The following EPC1 variants were observed in gnomAD, a reference collection of about 807,000 sequenced individuals.
EPC1 encodes the protein enhancer of polycomb 1, also known as enhancer of polycomb homolog 1.
Under a neutral mutation model 98.4 loss-of-function variants are expected in EPC1, and 12 were observed. The ratio of observed to expected loss-of-function variants is 0.12; its 90% CI spans 0.08 to 0.20. The LOEUF is 0.20. EPC1 is among the 10% of genes least tolerant of loss of function. The pLI is 1.00. For missense variants in EPC1, 729 were observed against 990.5 expected (o/e 0.74, Z 3.54); for synonymous variants, 357 against 363.9 (o/e 0.98, Z 0.21).
intron 1 of EPC1, among the ~76,000 whole-genome samples, chr10:32,356,999 A>G (rs1839299447): frequency 6.6e-6 from 1 of 152,136 alleles, no homozygotes; most frequent in African/African-American, 2.4e-5. Flanking sequence ...AAAAATAAAA[A>G]AATTTACCAA....
chr10:32,305,723 T>C (rs1456331644), intron 2 of EPC1, 49 bp downstream of exon 2: 7 of 1,461,850 alleles, frequency 4.8e-6, no homozygotes, highest in African/African-American at 2.9e-5. Flanking sequence ...TCAAGTTACA[T>C]AATAAGAGAA....
chr10:32,372,110 CA>C (rs1016520572), intron 1 of EPC1, among the ~76,000 whole-genome samples: 85 of 152,310 alleles, frequency 5.6e-4, no homozygotes, highest in African/African-American at 1.9e-3. Context: ...TACTCTAGAG[CA>C]GTGTTCTCAA....
At chr10:32,349,239 A>G (rs1241576907), upstream of EPC1, among the ~76,000 whole-genome samples, 1 of 152,268 alleles carries the variant, frequency 6.6e-6, no homozygotes, top group Admixed American at 6.5e-5. Context: ...GAGTAAGTCA[A>G]GAGTGAACCA....
At chr10:32,345,463 C>A (rs115477227) in intron 1 of EPC1, 1 of 985,268 alleles carries the variant, frequency 1.0e-6, no homozygotes, top group African/African-American at 1.7e-5. Flanking sequence ...AGAAGTATTA[C>A]AGTACAATTT....
chr10:32,353,169 A>G (rs1839174306), intron 1 of EPC1, among the ~76,000 whole-genome samples: 1 of 151,924 alleles, frequency 6.6e-6, no homozygotes, highest in Non-Finnish European at 1.5e-5. Flanking sequence ...AAAAAAAAAA[A>G]AAAGCAAAAA....
chr10:32,358,138 A>G (rs1839334744), intron 1 of EPC1, among the ~76,000 whole-genome samples: 1 of 152,158 alleles, frequency 6.6e-6, no homozygotes, highest in Non-Finnish European at 1.5e-5. Flanking sequence ...TACAGGCATG[A>G]GCCATCACGC....
rs139341429 is a variant in EPC1, at chr10:32,271,682, G to A, written c.2241C>T (p.Ala747=). 1.2e-6 allele frequency: 2 copies of A among 1,614,134 alleles called. No homozygotes were observed. Among genetic ancestry groups the A allele is most frequent in the African/African-American group, 1.3e-5 (1 of 75,022 alleles). The change falls in exon 13 of 14, where the codon GCC becomes GCT. Residue 747 remains alanine (A), a synonymous_variant. Coordinates refer to ENST00000319778, the MANE Select transcript of EPC1 (RefSeq NM_001272004.3). ...PSSVATVNSI[A]PINARHIPRT... ...TAGGTATATGTCGTGCATTTATTGG[G>A]GCAATAGAGTTTACAGTGGCAACTG...
chr10:32,339,961 T>C (rs913238944), intron 1 of EPC1, among the ~76,000 whole-genome samples: 1 of 152,196 alleles, frequency 6.6e-6, no homozygotes, highest in South Asian at 2.1e-4. Context: ...ATTATCAAAA[T>C]AGTTCATCCC....
intron 1 of EPC1, among the ~76,000 whole-genome samples, chr10:32,360,894 CAA>C (rs34674243): frequency 2.8e-5 from 4 of 142,844 alleles, no homozygotes; most frequent in Non-Finnish European, 1.5e-5. Context: ...ACTCCATCTC[CAA>C]AAAAAAAAAA....
intron 10 of EPC1, among the ~76,000 whole-genome samples, chr10:32,277,278 C>T (rs775806028): frequency 2.6e-5 from 4 of 152,048 alleles, no homozygotes; most frequent in East Asian, 1.9e-4. Flanking sequence ...TAACCAGGAA[C>T]GGGATTAGGA....
intron 1 of EPC1, among the ~76,000 whole-genome samples, chr10:32,307,716 C>T (rs1835956853): frequency 6.6e-6 from 1 of 152,170 alleles, no homozygotes; most frequent in African/African-American, 2.4e-5. Context: ...CCTGAATGCC[C>T]ACTGACACAG....
intron 10 of EPC1, chr10:32,282,020 A>G (rs1836435778): frequency 6.6e-6 from 1 of 152,040 alleles, no homozygotes; most frequent in Non-Finnish European, 1.5e-5. Context: ...ATTAAGTGAA[A>G]TGCACTTATG....
chr10:32,316,659 G>A (rs182981961), intron 1 of EPC1, among the ~76,000 whole-genome samples: 4 of 152,306 alleles, frequency 2.6e-5, no homozygotes, highest in Admixed American at 2.6e-4. Flanking sequence ...AGTGGAGGCA[G>A]GGACCGAGAA....
At chr10:32,272,982 T>C (rs774669179) in intron 11 of EPC1, 181 bp downstream of exon 11, 2 of 1,577,710 alleles carry the variant, frequency 1.3e-6, no homozygotes, top group Non-Finnish European at 1.7e-6. Flanking sequence ...CTTTTTAAAA[T>C]AGGGAGCAGA....
At chr10:32,345,651 T>C in intron 1 of EPC1, 1 of 984,956 alleles carries the variant, frequency 1.0e-6, no homozygotes, top group Non-Finnish European at 1.2e-6. Context: ...AAGATTCTAT[T>C]ATCCTGGTGT....
intron 6 of EPC1, among the ~76,000 whole-genome samples, chr10:32,290,505 A>AAAAAAAAAAAAG (rs1554819136): frequency 2.1e-4 from 16 of 77,492 alleles, no homozygotes; most frequent in Middle Eastern, 0.011. Context: ...AAAAAAAAAA[A>AAAAAAAAAAAAG]AAAGAAAGAA....
upstream of EPC1, among the ~76,000 whole-genome samples, chr10:32,350,487 C>T (rs1839080153): frequency 6.6e-6 from 1 of 152,176 alleles, no homozygotes; most frequent in Non-Finnish European, 1.5e-5. Flanking sequence ...GAAGAAAGAA[C>T]ATTCATGGGG....
chr10:32,309,679 C>CA (rs1436960946), intron 1 of EPC1, among the ~76,000 whole-genome samples: 2 of 147,242 alleles, frequency 1.4e-5, no homozygotes, highest in Non-Finnish European at 3.0e-5. Flanking sequence ...AACATAGCCA[C>CA]ACCCTGTCTC....
chr10:32,309,853 C>A (rs1332899440), intron 1 of EPC1, among the ~76,000 whole-genome samples: 1 of 150,508 alleles, frequency 6.6e-6, no homozygotes, highest in Non-Finnish European at 1.5e-5. Flanking sequence ...TAAAACATGA[C>A]CCCTAAGGAG....
Sources: allele counts gnomAD v4.1 joint callset (sites outside exome capture counted in the v4.1 genomes callset), GRCh38; gene constraint gnomAD v4.1.1; transcripts MANE v1.5; gene names NCBI Gene and HGNC (gene_info 2026-07-23, HGNC 2026-07-21).